NUDC: variants seen among roughly 807,000 people sequenced by gnomAD.
NUDC encodes nuclear migration protein nudC.
In NUDC, 14 loss-of-function variants were observed where a neutral mutation model predicts 45.0. That is an observed-to-expected ratio of 0.31 (90% confidence interval 0.21 to 0.49). The LOEUF is 0.49. Among genes scored for constraint, NUDC ranks in the 20% least tolerant of loss-of-function variants. NUDC has a pLI of 0.99. For missense variants in NUDC, 323 were observed against 426.2 expected (o/e 0.76, Z 2.13); for synonymous variants, 153 against 156.7 (o/e 0.98, Z 0.17).
At chr1:26,931,377 C>CTTTTTT (rs796368735) in intron 2 of NUDC, among the ~76,000 whole-genome samples, 4 of 76,976 alleles carry the variant, frequency 5.2e-5, no homozygotes, top group Non-Finnish European at 5.2e-5. Context: ...TGCGCCTGGC[C>CTTTTTT]TTTTTTTTTT....
At chr1:26,931,671 C>T (rs1490498688) in intron 2 of NUDC, among the ~76,000 whole-genome samples, 2 of 148,772 alleles carry the variant, frequency 1.3e-5, no homozygotes, top group African/African-American at 2.5e-5. Context: ...CCCAGCTACT[C>T]GGGAGGCTGA....
chr1:26,924,607 G>A (rs1041514219), intron 2 of NUDC, among the ~76,000 whole-genome samples: 11 of 152,164 alleles, frequency 7.2e-5, no homozygotes, highest in South Asian at 6.2e-4. Flanking sequence ...AAGCTGAAGC[G>A]CAGTGGCGCA....
intron 3 of NUDC, among the ~76,000 whole-genome samples, chr1:26,912,716 A>G (rs1478681019): frequency 6.6e-6 from 1 of 151,912 alleles, no homozygotes; most frequent in East Asian, 1.9e-4. Context: ...CTTCTATGTG[A>G]TCTTTCTGAA....
intron 2 of NUDC, among the ~76,000 whole-genome samples, chr1:26,933,456 C>T (rs1178912901): frequency 6.6e-6 from 1 of 151,960 alleles, no homozygotes; most frequent in Admixed American, 6.6e-5. Flanking sequence ...TCTTGTTGCC[C>T]AGGCTGGAGT....
At chr1:26,934,536 A>G (rs2082211006) in intron 2 of NUDC, among the ~76,000 whole-genome samples, 1 of 152,130 alleles carries the variant, frequency 6.6e-6, no homozygotes, top group Non-Finnish European at 1.5e-5. Flanking sequence ...AGCCCCACAA[A>G]GTCTTAATTC....
At chr1:26,932,603 G>T (rs1328032459) in intron 2 of NUDC, among the ~76,000 whole-genome samples, 3 of 152,026 alleles carry the variant, frequency 2.0e-5, no homozygotes, top group Non-Finnish European at 2.9e-5. Flanking sequence ...GATAACAGAT[G>T]TGAGCCACTG....
chr1:26,901,195 C>G (rs1402293938), intron 1 of NUDC, among the ~76,000 whole-genome samples: 1 of 152,048 alleles, frequency 6.6e-6, no homozygotes, highest in Admixed American at 6.6e-5. Context: ...GAGTTGGGGT[C>G]TCGCTCTGTC....
chr1:26,913,672 C>T, intron 3 of NUDC: 1 of 1,613,434 alleles, frequency 6.2e-7, no homozygotes, highest in Non-Finnish European at 8.5e-7. Flanking sequence ...GCCCCAGCAA[C>T]CCTGCAGCAG....
At chr1:26,910,545 CT>C (rs1322099065) in intron 2 of NUDC, among the ~76,000 whole-genome samples, 1 of 152,186 alleles carries the variant, frequency 6.6e-6, no homozygotes, top group Admixed American at 6.5e-5. Context: ...AGTGAATGGC[CT>C]CTTATTGAGC....
At chr1:26,929,320 C>T (rs1557674622) in intron 2 of NUDC, among the ~76,000 whole-genome samples, 1 of 151,890 alleles carries the variant, frequency 6.6e-6, no homozygotes, top group Non-Finnish European at 1.5e-5. Flanking sequence ...CACCTGTAAT[C>T]CCAGCTACTT....
In NUDC at chr1:26,943,019, C is replaced by A; in HGVS notation, c.695C>A (p.Ser232Ter). ...LYNEVKVEESSWLIEDGKVVT... is the reference protein window; with the variant it reads ...LYNEVKVEES ...AATGAAGTGAAGGTGGAGGAGAGCT[C>A]GTGGCTCATTGAGGACGGCAAGGTG... The change falls in exon 6 of 9, where the codon TCG becomes TAG. Residue 232 changes from serine to a stop codon, truncating the protein, a stop_gained. Coordinates refer to ENST00000321265, the MANE Select transcript of NUDC (RefSeq NM_006600.4). LOFTEE classifies it high-confidence loss of function. The A allele has an allele frequency of 6.2e-7, 1 of 1,614,036 alleles. No homozygotes were observed. Among genetic ancestry groups the A allele is most frequent in the Non-Finnish European group, 8.5e-7 (1 of 1,180,010 alleles).
Position 26,945,704 on chromosome 1 carries a change from G to C in NUDC, c.944+18G>C, listed in dbSNP as rs200685195. On this transcript the variant is annotated intron_variant, in intron 8 of 8. Transcript: ENST00000321265. The stretch of plus-strand genomic sequence containing the variant: ...CTGAAGAAGTGAGCAATTCAGAGAC[G>C]GGGTTGGGGGACCGTGGGTGCCTGG... The C allele has an allele frequency of 1.3e-4, 214 of 1,589,440 alleles. No individual in the cohort carries two copies. The highest frequency in any genetic ancestry group is 5.6e-4 in the Middle Eastern group (3 of 5,380).
At chr1:26,918,478 T>G (rs2124083329), upstream of NUDC, among the ~76,000 whole-genome samples, 1 of 151,898 alleles carries the variant, frequency 6.6e-6, no homozygotes, top group South Asian at 2.1e-4. Flanking sequence ...GTTTTACCAT[T>G]TTGGCCAGGC....
At chr1:26,911,417 G>A in intron 3 of NUDC, 1 of 345,144 alleles carries the variant, frequency 2.9e-6, no homozygotes, top group South Asian at 2.3e-5. Flanking sequence ...GGCTACCTCT[G>A]ATAGCAGCAG....
chr1:26,935,715 T>C (rs944629412), intron 2 of NUDC, among the ~76,000 whole-genome samples: 4 of 151,944 alleles, frequency 2.6e-5, no homozygotes, highest in Non-Finnish European at 5.9e-5. Context: ...AGTCAAGACA[T>C]TTGTCTTTTT....
At chr1:26,919,413 A>G (rs2082078059), upstream of NUDC, among the ~76,000 whole-genome samples, 1 of 152,108 alleles carries the variant, frequency 6.6e-6, no homozygotes, top group South Asian at 2.1e-4. Context: ...CTGTGTTGCT[A>G]TGTTTTGCAA....
At chr1:26,907,753 G>GA (rs1289440847) in intron 2 of NUDC, among the ~76,000 whole-genome samples, 1 of 152,216 alleles carries the variant, frequency 6.6e-6, no homozygotes. Context: ...CTGAGGACAG[G>GA]AATCATGGCT....
At chr1:26,944,041 AT>A (rs950758203) in intron 6 of NUDC, among the ~76,000 whole-genome samples, 91 of 143,228 alleles carry the variant, frequency 6.4e-4, no homozygotes, top group Admixed American at 7.7e-4. Flanking sequence ...CCATGCCTGT[AT>A]TTTTTTTTTT....
chr1:26,909,585 A>G (rs2082016947), intron 2 of NUDC, among the ~76,000 whole-genome samples: 1 of 152,312 alleles, frequency 6.6e-6, no homozygotes, highest in South Asian at 2.1e-4. Context: ...GGATTCAGAG[A>G]GATGTGGCAA....
Sources: gnomAD v4.1 joint callset for allele counts (sites outside exome capture counted in the v4.1 genomes callset) on GRCh38, gnomAD v4.1.1 for gene constraint, MANE v1.5 for transcripts, NCBI Gene and HGNC (gene_info 2026-07-23, HGNC 2026-07-21) for gene names.